Variants in ARHGAP6 observed in about 807,000 individuals in gnomAD.
The protein encoded by ARHGAP6 is Rho GTPase activating protein 6.
In ARHGAP6, 16 loss-of-function variants were observed where a neutral mutation model predicts 55.7. That is an observed-to-expected ratio of 0.29 (90% CI 0.19 to 0.44). The LOEUF is 0.44. Among genes scored for constraint, ARHGAP6 ranks in the 20% least tolerant of loss-of-function variants. ARHGAP6 has a pLI of 1.00. For missense variants in ARHGAP6, 698 were observed against 808.9 expected, an observed-to-expected ratio of 0.86 and a Z score of 1.66; for synonymous variants, 382 against 360.9, an observed-to-expected ratio of 1.06 and a Z score of -0.66.
At chrX:11,479,088 AC>A (rs887698856) in intron 1 of ARHGAP6, among the ~76,000 whole-genome samples, 14 of 112,246 alleles carry the variant, frequency 1.2e-4, no homozygotes, top group African/African-American at 4.5e-4. Flanking sequence ...CTCAGTCTCC[AC>A]TTTAACGAAA....
At chrX:11,374,700 A>C in intron 1 of ARHGAP6, among the ~76,000 whole-genome samples, 1 of 112,473 alleles carries the variant, frequency 8.9e-6, no homozygotes, top group South Asian at 3.7e-4. Context: ...GTAAGAAGTT[A>C]AACTAAAACC....
chrX:11,475,852 C>G (rs2050398832), intron 1 of ARHGAP6, among the ~76,000 whole-genome samples: 1 of 107,459 alleles, frequency 9.3e-6, no homozygotes, highest in African/African-American at 3.4e-5. Flanking sequence ...TAATGAAGGA[C>G]TTGTATTTAG....
At chrX:11,513,634 A>AC (rs2050806406) in intron 1 of ARHGAP6, among the ~76,000 whole-genome samples, 2 of 110,761 alleles carry the variant, frequency 1.8e-5, no homozygotes, top group East Asian at 2.9e-4. Flanking sequence ...CTCTCCCAGT[A>AC]TGGGAGAGAC....
At chrX:11,398,839 G>T (rs1244698775) in intron 1 of ARHGAP6, among the ~76,000 whole-genome samples, 1 of 111,700 alleles carries the variant, frequency 9.0e-6, no homozygotes, top group Non-Finnish European at 1.9e-5. Flanking sequence ...CAGATTAACT[G>T]CAGGTGAAAA....
At chrX:11,557,100 G>A (rs2051326739) in intron 1 of ARHGAP6, among the ~76,000 whole-genome samples, 1 of 112,478 alleles carries the variant, frequency 8.9e-6, no homozygotes, top group Admixed American at 9.4e-5. Context: ...AGAGGAAGAA[G>A]AGGAGAGGAA....
At chrX:11,347,721 T>C (rs1228224903) in intron 1 of ARHGAP6, among the ~76,000 whole-genome samples, 1 of 111,967 alleles carries the variant, frequency 8.9e-6, no homozygotes, top group Non-Finnish European at 1.9e-5. Flanking sequence ...GACAGGAAAA[T>C]GACACTTGCT....
chrX:11,635,267 A>G (rs1490811765), intron 1 of ARHGAP6, among the ~76,000 whole-genome samples: 1 of 112,145 alleles, frequency 8.9e-6, no homozygotes, highest in Non-Finnish European at 1.9e-5. Flanking sequence ...GGATCACTGT[A>G]TAGTATATAA....
chrX:11,612,008 T>C (rs2052108266), intron 1 of ARHGAP6, among the ~76,000 whole-genome samples: 1 of 111,469 alleles, frequency 9.0e-6, no homozygotes, highest in Non-Finnish European at 1.9e-5. Context: ...ATCAAAAACA[T>C]TTCATAAACA....
intron 1 of ARHGAP6, among the ~76,000 whole-genome samples, chrX:11,405,405 C>G (rs143942039): frequency 1.8e-5 from 2 of 112,225 alleles, no homozygotes; most frequent in African/African-American, 6.5e-5. Flanking sequence ...GAAGACACTG[C>G]TGGGTAAAAA....
At chrX:11,242,831 G>T (rs1372431418) in intron 2 of ARHGAP6, among the ~76,000 whole-genome samples, 2 of 111,660 alleles carry the variant, frequency 1.8e-5, no homozygotes, top group Non-Finnish European at 3.8e-5. Flanking sequence ...ACTTGTTAAA[G>T]TCTTGGAAAT....
At chrX:11,453,004 G>A (rs2050157457) in intron 1 of ARHGAP6, among the ~76,000 whole-genome samples, 1 of 109,722 alleles carries the variant, frequency 9.1e-6, no homozygotes, top group Non-Finnish European at 1.9e-5. Context: ...TTTATTAAAA[G>A]CATTTATTAA....
chrX:11,321,460 A>G (rs2048431560), intron 1 of ARHGAP6, among the ~76,000 whole-genome samples: 1 of 112,072 alleles, frequency 8.9e-6, no homozygotes, highest in Non-Finnish European at 1.9e-5. Flanking sequence ...ATAGTGCAAT[A>G]AATGCTACTC....
chrX:11,566,502 A>G (rs751043217), intron 1 of ARHGAP6, among the ~76,000 whole-genome samples: 1 of 112,215 alleles, frequency 8.9e-6, no homozygotes, highest in African/African-American at 3.2e-5. Context: ...TCACATGAAT[A>G]AAATGTTTAT....
At chrX:11,438,136 G>A (rs2050004860) in intron 1 of ARHGAP6, among the ~76,000 whole-genome samples, 1 of 111,813 alleles carries the variant, frequency 8.9e-6, no homozygotes, top group Non-Finnish European at 1.9e-5. Context: ...TTCATACACC[G>A]AAAATCTTCT....
rs1374933213 is a variant in ARHGAP6 at position 11,304,746 on chromosome X, C to T, written c.589-50039G>A. Among the ~76,000 whole-genome samples the T allele has an allele frequency of 3.9e-5, 4 of 101,859 alleles. No homozygotes were observed. The East Asian group carries it at 1.3e-3, about 32-fold the overall frequency. The allele number at this position is 101,859 out of a possible 115,157, so 88.5% of individuals were successfully genotyped here. A position where few individuals can be genotyped will look rare whatever the true frequency, so the allele number is the denominator to read the frequency against. The stretch of plus-strand genomic sequence containing the variant: ...CATTGGCACAATTCAGCTAATTCCA[C>T]ATTATAAGGATTTCATTTTTCTTTC... On this transcript the variant is annotated intron_variant, in intron 1 of 12. Coordinates refer to ENST00000337414, the MANE Select transcript of ARHGAP6 (RefSeq NM_013427.3).
At chrX:11,254,815 T>TAATAAA in intron 1 of ARHGAP6, 108 bp from the exon 2 acceptor site, 1 of 961,225 alleles carries the variant, frequency 1.0e-6, no homozygotes, top group Non-Finnish European at 1.4e-6. Context: ...ACCACCTTTG[T>TAATAAA]GTTCCAAAAT....
At chrX:11,336,306 C>T (rs182908793) in intron 1 of ARHGAP6, among the ~76,000 whole-genome samples, 2 of 111,450 alleles carry the variant, frequency 1.8e-5, no homozygotes, top group East Asian at 5.6e-4. Context: ...TTCAAACACA[C>T]TGTATTTTCG....
chrX:11,211,535 G>C (rs1318998574), intron 2 of ARHGAP6, among the ~76,000 whole-genome samples: 1 of 105,346 alleles, frequency 9.5e-6, no homozygotes, highest in Non-Finnish European at 1.9e-5. Flanking sequence ...TGGCCTATGA[G>C]AACAGTTTTG....
At position 11,209,014 on chromosome X, in the gene ARHGAP6, T is replaced by C. The variant is rs147215253; in HGVS notation, c.749-12018A>G. ...GTTGAGGGAAGAAGGGAAGACCAAC[T>C]ATGTAGAAAAGGGAGCCTTTATTAT... On this transcript the variant is annotated intron_variant, in intron 2 of 12. Coordinates refer to ENST00000337414, the MANE Select transcript of ARHGAP6 (RefSeq NM_013427.3). Among the ~76,000 whole-genome samples the C allele has an allele frequency of 2.9e-3, 330 of 112,385 alleles. 1 individual carries two copies. Among genetic ancestry groups the C allele is most frequent in the African/African-American group, 0.01 (319 of 30,966 alleles).
Sources: gnomAD v4.1 joint callset for allele counts (sites outside exome capture counted in the v4.1 genomes callset) on GRCh38, gnomAD v4.1.1 for gene constraint, MANE v1.5 for transcripts, NCBI Gene and HGNC (gene_info 2026-07-23, HGNC 2026-07-21) for gene names.